Variants in SEC13 observed in about 807,000 individuals in gnomAD.
SEC13 encodes SEC13 homolog, nuclear pore and COPII component.
A neutral mutation model predicts 49.2 loss-of-function variants in SEC13; 25 were observed. That is an observed-to-expected ratio of 0.51 (90% CI 0.37 to 0.71). SEC13 has a LOEUF of 0.71. Ranked by LOEUF, SEC13 falls within the 30% of genes least tolerant of loss-of-function variation. SEC13 has a pLI of 0.00. For missense variants in SEC13, 383 were observed against 417.6 expected (o/e 0.92, Z 0.72); for synonymous variants, 148 against 163.9 (o/e 0.90, Z 0.74).
intron 6 of SEC13, 131 bp downstream of exon 6, chr3:10,305,427 GA>G: frequency 1.6e-6 from 2 of 1,229,074 alleles, no homozygotes; most frequent in Non-Finnish European, 2.3e-6. Flanking sequence ...CCAACAGATT[GA>G]AAACAGTATT....
At chr3:10,314,833 A>G (rs1466531275) in intron 3 of SEC13, 1 of 153,748 alleles carries the variant, frequency 6.5e-6, no homozygotes, top group Non-Finnish European at 1.4e-5. Context: ...GCATTCTTAC[A>G]TTATTCTTAC....
intron 5 of SEC13, chr3:10,311,706 T>A: frequency 7.4e-7 from 1 of 1,354,254 alleles, no homozygotes; most frequent in Non-Finnish European, 9.5e-7. Flanking sequence ...ATAGCTAAGG[T>A]GGCAGTGAGC....
intron 8 of SEC13, among the ~76,000 whole-genome samples, chr3:10,301,902 T>C (rs1700547516): frequency 6.6e-6 from 1 of 152,054 alleles, no homozygotes; most frequent in Admixed American, 6.5e-5. Flanking sequence ...AGCTAAGAGC[T>C]GAAAAGGTTT....
At chr3:10,313,810 C>CGTT (rs1193385261) in intron 3 of SEC13, 1 of 164,576 alleles carries the variant, frequency 6.1e-6, no homozygotes, top group African/African-American at 2.4e-5. Flanking sequence ...TTGGCCAACA[C>CGTT]GCTGCACTGC....
At chr3:10,309,963 A>G (rs971066570) in intron 5 of SEC13, among the ~76,000 whole-genome samples, 2 of 152,128 alleles carry the variant, frequency 1.3e-5, no homozygotes, top group East Asian at 3.9e-4. Context: ...CTGTGTCCCT[A>G]TCCAGCTCAA....
chr3:10,318,305 G>A (rs955796873), intron 1 of SEC13, among the ~76,000 whole-genome samples: 5 of 152,140 alleles, frequency 3.3e-5, no homozygotes, highest in South Asian at 4.1e-4. Flanking sequence ...AGAAGCTCGC[G>A]AATAATGCTA....
At chr3:10,314,795 G>C (rs892450525) in intron 3 of SEC13, among the ~76,000 whole-genome samples, 1 of 152,188 alleles carries the variant, frequency 6.6e-6, no homozygotes, top group East Asian at 1.9e-4. Flanking sequence ...GGGCATATAG[G>C]CAGAACAATG....
chr3:10,320,952 C>T (rs539854312), intron 1 of SEC13, 98 bp downstream of exon 1: 1 of 1,574,604 alleles, frequency 6.4e-7, no homozygotes, highest in South Asian at 1.2e-5. Context: ...AGCTGAACGG[C>T]TCCAGCTTGG....
chr3:10,312,734 C>T lies in SEC13; in HGVS notation c.165-4G>A, dbSNP rs1553637758. ...TTGCCACACAGGACCCTCATGACTA[C>T]AAAGGGAGAGATAGGCCAGAGGAAC... On this transcript the variant is annotated splice_region_variant and splice_polypyrimidine_tract_variant and intron_variant, in intron 3 of 8. Transcript: ENST00000350697. 1.2e-6 allele frequency: 2 copies of T among 1,614,072 alleles called. No individual in the cohort carries two copies. The highest frequency in any genetic ancestry group is 3.3e-5 in the Admixed American group (2 of 60,020).
chr3:10,310,291 G>A (rs973324388), intron 5 of SEC13, among the ~76,000 whole-genome samples: 1 of 152,196 alleles, frequency 6.6e-6, no homozygotes, highest in African/African-American at 2.4e-5. Context: ...AGGAGTTTGA[G>A]ACCAACCTGG....
At chr3:10,317,762 G>T (rs774690067) in intron 2 of SEC13, among the ~76,000 whole-genome samples, 1 of 152,036 alleles carries the variant, frequency 6.6e-6, no homozygotes, top group African/African-American at 2.4e-5. Flanking sequence ...GCCTTCATCC[G>T]AGAGCAGGTT....
At chr3:10,315,780 T>G (rs1207090365) in intron 2 of SEC13, among the ~76,000 whole-genome samples, 2 of 152,078 alleles carry the variant, frequency 1.3e-5, no homozygotes, top group African/African-American at 4.8e-5. Flanking sequence ...CAGGCCCTAT[T>G]CAGTTCTTAG....
rs1701346497 is a variant in SEC13 at position 10,312,600 on chromosome 3, G to A, written c.295C>T (p.His99Tyr). ...ENGTWEKSHE[H>Y]AGHDSSVNSV... ...ATACCTGAGGAGTCGTGTCCCGCAT[G>A]CTCGTGGCTCTTCTCCCAGGTGCCG... The change falls in exon 4 of 9, where the codon CAT becomes TAT. Residue 99 changes from histidine (H) to tyrosine (Y), a missense_variant. Coordinates refer to ENST00000350697, the MANE Select transcript of SEC13 (RefSeq NM_183352.3). 2.5e-6 allele frequency: 4 copies of A among 1,614,186 alleles called. No individual in the cohort carries two copies. Among genetic ancestry groups the A allele is most frequent in the African/African-American group, 1.3e-5 (1 of 75,028 alleles).
chr3:10,312,065 C>T lies in SEC13; in HGVS notation c.350G>A (p.Gly117Asp). ...NSVCWAPHDYGLILACGSSDG... is the reference protein window; with the variant it reads ...NSVCWAPHDYDLILACGSSDG... ...CGAGCTCCCACAGGCCAGGATCAGG[C>T]CGTAGTCATGGGGGGCCCAGCACAC... The change falls in exon 5 of 9, where the codon GGC becomes GAC. Residue 117 changes from glycine to aspartate, a missense_variant. Physicochemically the swap from Gly to Asp is moderately conservative, Grantham distance 94. Transcript: ENST00000350697. The T allele has an allele frequency of 6.2e-7, 1 of 1,611,182 alleles. No individual in the cohort carries two copies. Among genetic ancestry groups the T allele is most frequent in the Non-Finnish European group, 8.5e-7 (1 of 1,178,640 alleles).
rs959917517 is a variant in SEC13, at chr3:10,320,526, A to G, written c.3+524T>C. 5.1e-6 allele frequency: 5 copies of G among 985,636 alleles called. No individual in the cohort carries two copies. The African/African-American group carries it at 8.7e-5, about 17-fold the overall frequency. The allele number at this position is 985,636 out of a possible 1,614,324, so 61.1% of individuals were successfully genotyped here. A position where few individuals can be genotyped will look rare whatever the true frequency, so the allele number is the denominator to read the frequency against. ...CATCCTACCTGGGGGCCCTACCCCG[A>G]GCAACAGTTCAATCATCTCTGCTGG... On this transcript the variant is annotated intron_variant, in intron 1 of 8. Coordinates refer to ENST00000350697, the MANE Select transcript of SEC13 (RefSeq NM_183352.3).
At chr3:10,320,763 C>T in intron 1 of SEC13, 1 of 1,317,806 alleles carries the variant, frequency 7.6e-7, no homozygotes, top group East Asian at 3.1e-5. Context: ...AGCTCCTCTG[C>T]TGTTCCTCGT....
chr3:10,312,614 T>G lies in SEC13; in HGVS notation c.281A>C (p.Glu94Ala). 6.2e-7 allele frequency: 1 copy of G among 1,614,144 alleles called. No homozygotes were observed. The highest frequency in any genetic ancestry group is 8.5e-7 in the Non-Finnish European group (1 of 1,180,024). ...GTGTCCCGCATGCTCGTGGCTCTTC[T>G]CCCAGGTGCCGTTTTCCTCTCTCCA... Reference protein sequence around the residue: ...IIWREENGTWEKSHEHAGHDS... With the variant: ...IIWREENGTWAKSHEHAGHDS... Residue 94 changes from glutamate (E) to alanine (A), a missense_variant, in exon 4 of 9, where the codon GAG (glutamate) becomes GCG (alanine). Transcript: ENST00000350697.
chr3:10,314,785 G>A (rs184437813), intron 3 of SEC13, among the ~76,000 whole-genome samples: 3 of 152,316 alleles, frequency 2.0e-5, no homozygotes, highest in African/African-American at 7.2e-5. Flanking sequence ...CACGTGCCAC[G>A]GGCATATAGG....
At chr3:10,304,217 T>C (rs762521556) in intron 7 of SEC13, 45 bp from the exon 8 acceptor site, 4 of 1,600,690 alleles carry the variant, frequency 2.5e-6, no homozygotes, top group Non-Finnish European at 8.5e-7. Flanking sequence ...TCAAGACTCC[T>C]GCGTTTGTGA....
Sources: allele counts gnomAD v4.1 joint callset (sites outside exome capture counted in the v4.1 genomes callset), GRCh38; gene constraint gnomAD v4.1.1; transcripts MANE v1.5; gene names NCBI Gene and HGNC (gene_info 2026-07-23, HGNC 2026-07-21).